The following VPS13B variants were observed in gnomAD, a reference collection of about 807,000 sequenced individuals.
VPS13B encodes intermembrane lipid transfer protein VPS13B.
In VPS13B, 285 loss-of-function variants were observed where a neutral mutation model predicts 426.4. The ratio of observed to expected loss-of-function variants is 0.67; its 90% confidence interval spans 0.61 to 0.74. VPS13B has a LOEUF of 0.74. VPS13B is among the 30% of genes least tolerant of loss of function. VPS13B has a pLI of 0.00. For synonymous variants in VPS13B, 1,676 were observed against 1,676.4 expected (o/e 1.00, Z 0.01); for missense variants, 4,537 against 4,782.6 (o/e 0.95, Z 1.51).
At chr8:99,688,084 C>T (rs1831493816) in intron 35 of VPS13B, among the ~76,000 whole-genome samples, 1 of 149,100 alleles carries the variant, frequency 6.7e-6, no homozygotes, top group Non-Finnish European at 1.5e-5. Context: ...GCTCTGCAAA[C>T]TCAGATATTA....
chr8:99,485,556 G>A (rs1214339688), intron 25 of VPS13B, among the ~76,000 whole-genome samples: 1 of 152,106 alleles, frequency 6.6e-6, no homozygotes, highest in African/African-American at 2.4e-5. Flanking sequence ...GCTTACCACA[G>A]ATACAAATAA....
rs1194356089 is a variant in VPS13B at position 99,720,906 on chromosome 8, T to C, written c.6909T>C (p.Asn2303=). Reference sequence around the variant, plus strand: ...GGGTCTATGAAGTCTTATTTTATAATGAAACTGAAGATTGCCCAGGGATGA... The same window carrying C: ...GGGTCTATGAAGTCTTATTTTATAACGAAACTGAAGATTGCCCAGGGATGA... ...LPGVYEVLFY[N]ETEDCPGMML... Residue 2303 remains asparagine, a synonymous_variant, in exon 39 of 62, where the codon AAT becomes AAC. Coordinates refer to ENST00000357162, the MANE Select transcript of VPS13B (RefSeq NM_152564.5). 6.2e-7 allele frequency: 1 copy of C among 1,614,016 alleles called. No individual in the cohort carries two copies.
At chr8:99,151,832 G>C (rs1436772130) in intron 14 of VPS13B, among the ~76,000 whole-genome samples, 1 of 152,002 alleles carries the variant, frequency 6.6e-6, no homozygotes, top group Non-Finnish European at 1.5e-5. Flanking sequence ...CACCGCACCT[G>C]GCCTTTTTTA....
At chr8:99,852,468 A>G (rs13273257) in intron 55 of VPS13B, among the ~76,000 whole-genome samples, 19,418 of 152,254 alleles carry the variant, frequency 0.13, 1,303 homozygotes, top group Non-Finnish European at 0.14. Flanking sequence ...AGGAAGAGGG[A>G]TCTGCATAAA....
intron 3 of VPS13B, among the ~76,000 whole-genome samples, chr8:99,057,633 T>C (rs2132287329): frequency 6.6e-6 from 1 of 152,308 alleles, no homozygotes; most frequent in East Asian, 1.9e-4. Flanking sequence ...TTTTTTTTCC[T>C]GAACTCCAGC....
At chr8:99,078,566 A>G (rs1845265153) in intron 3 of VPS13B, among the ~76,000 whole-genome samples, 1 of 152,046 alleles carries the variant, frequency 6.6e-6, no homozygotes, top group African/African-American at 2.4e-5. Flanking sequence ...TGGGCTGCGC[A>G]TGACAGTCCT....
At chr8:99,697,650 G>A in intron 35 of VPS13B, 1 of 652,308 alleles carries the variant, frequency 1.5e-6, no homozygotes, top group South Asian at 1.6e-5. Flanking sequence ...GAGACTGACA[G>A]AGGGTGCAGC....
chr8:99,619,082 A>G (rs1407164523), intron 33 of VPS13B, among the ~76,000 whole-genome samples: 1 of 152,006 alleles, frequency 6.6e-6, no homozygotes, highest in African/African-American at 2.4e-5. Context: ...TCCCAAAGCT[A>G]CCTTATAAGC....
chr8:99,105,311 A>G (rs965608024), intron 5 of VPS13B, among the ~76,000 whole-genome samples: 4 of 152,198 alleles, frequency 2.6e-5, no homozygotes, highest in Admixed American at 1.3e-4. Flanking sequence ...ATAGAAAACA[A>G]ATAGAACTGG....
At chr8:99,134,380 A>T (rs1171656352) in intron 8 of VPS13B, among the ~76,000 whole-genome samples, 4 of 152,178 alleles carry the variant, frequency 2.6e-5, no homozygotes, top group African/African-American at 9.7e-5. Context: ...CACAGCTTTC[A>T]CTTTTTAAAA....
intron 19 of VPS13B, among the ~76,000 whole-genome samples, chr8:99,279,101 A>G (rs1819039422): frequency 6.6e-6 from 1 of 152,120 alleles, no homozygotes; most frequent in South Asian, 2.1e-4. Flanking sequence ...CTGCAGGTGC[A>G]GTGGCTCATC....
At chr8:99,406,367 A>G (rs1815332775) in intron 21 of VPS13B, among the ~76,000 whole-genome samples, 1 of 152,030 alleles carries the variant, frequency 6.6e-6, no homozygotes, top group African/African-American at 2.4e-5. Context: ...GAATGAATTA[A>G]CCTTTTTGTT....
At chr8:99,334,826 G>C (rs1211078973) in intron 19 of VPS13B, among the ~76,000 whole-genome samples, 2 of 151,874 alleles carry the variant, frequency 1.3e-5, no homozygotes, top group Non-Finnish European at 2.9e-5. Flanking sequence ...TCTCTTTTTT[G>C]GTTGTGTCTC....
At chr8:99,175,310 A>G (rs942033397) in intron 16 of VPS13B, among the ~76,000 whole-genome samples, 124 of 152,178 alleles carry the variant, frequency 8.1e-4, no homozygotes, top group African/African-American at 2.6e-3. Flanking sequence ...TTCAATAACT[A>G]TATTGGAAAA....
At chr8:99,640,016 TAATA>T (rs1372826819) in intron 33 of VPS13B, among the ~76,000 whole-genome samples, 1 of 72,514 alleles carries the variant, frequency 1.4e-5, no homozygotes, top group Non-Finnish European at 2.9e-5. Flanking sequence ...ATAATAATAA[TAATA>T]ATAATAAGAA....
At chr8:99,117,239 G>T (rs1333407213) in intron 7 of VPS13B, among the ~76,000 whole-genome samples, 1 of 152,026 alleles carries the variant, frequency 6.6e-6, no homozygotes. Context: ...CAAAACCTCA[G>T]TGAGATACCA....
At chr8:99,050,544 A>G (rs1843484765) in intron 3 of VPS13B, among the ~76,000 whole-genome samples, 1 of 152,216 alleles carries the variant, frequency 6.6e-6, no homozygotes, top group Admixed American at 6.5e-5. Flanking sequence ...CTTTGGGCAT[A>G]TACCAAGTAA....
chr8:99,401,890 G>A (rs1815058402), intron 21 of VPS13B, among the ~76,000 whole-genome samples: 1 of 151,898 alleles, frequency 6.6e-6, no homozygotes, highest in Non-Finnish European at 1.5e-5. Flanking sequence ...ATAAATAAAT[G>A]TGTTTCTCAT....
chr8:99,051,364 G>C (rs1843542747), intron 3 of VPS13B, among the ~76,000 whole-genome samples: 1 of 151,736 alleles, frequency 6.6e-6, no homozygotes, highest in South Asian at 2.1e-4. Context: ...ATTTCTGAGG[G>C]CTCTGTTCTG....
Sources: gnomAD v4.1 joint callset for allele counts (sites outside exome capture counted in the v4.1 genomes callset) on GRCh38, gnomAD v4.1.1 for gene constraint, MANE v1.5 for transcripts, NCBI Gene and HGNC (gene_info 2026-07-23, HGNC 2026-07-21) for gene names.